The following NUDT3 variants were observed in gnomAD, a reference collection of about 807,000 sequenced individuals.
NUDT3 encodes nudix hydrolase 3, also known as diphosphoinositol polyphosphate phosphohydrolase 1.
A neutral mutation model predicts 23.6 loss-of-function variants in NUDT3; 9 were observed. The ratio of observed to expected loss-of-function variants is 0.38; its 90% CI spans 0.23 to 0.66. The LOEUF is 0.66. NUDT3 is among the 30% of genes least tolerant of loss of function. The pLI is 0.52. For missense variants in NUDT3, 172 were observed against 218.5 expected (o/e 0.79, Z 1.34); for synonymous variants, 86 against 82.6 (o/e 1.04, Z -0.22).
At chr6:34,328,470 T>C (rs1478518090) in intron 2 of NUDT3, among the ~76,000 whole-genome samples, 1 of 152,176 alleles carries the variant, frequency 6.6e-6, no homozygotes. Flanking sequence ...CCTAGTAGAA[T>C]GAAAAAACGG....
At position 34,288,795 on chromosome 6, in the gene NUDT3, T is replaced by C. The variant is rs2113689512; in HGVS notation, c.477A>G (p.Thr159=). ...ANNGTPVVAT[T]YSVSAQSSMS... is the part of the protein sequence containing the mutation. ...TCGAGCTCTGAGCAGAAACCGAGTA[T>C]GTGGTGGCCACGACTGGGGTGCCAT... Residue 159 remains threonine (T), a synonymous_variant, in exon 5 of 5, where the codon ACA becomes ACG. Transcript: ENST00000607016. 4 of 1,613,896 alleles carry C rather than the reference T, an allele frequency of 2.5e-6. No homozygotes were observed. The highest frequency in any genetic ancestry group is 3.4e-6 in the Non-Finnish European group (4 of 1,179,934).
At chr6:34,348,364 T>TC (rs1208533919) in intron 1 of NUDT3, among the ~76,000 whole-genome samples, 6 of 150,442 alleles carry the variant, frequency 4.0e-5, no homozygotes, top group Non-Finnish European at 7.4e-5. Flanking sequence ...TATTTACAGT[T>TC]CCAGCTACTG....
intron 2 of NUDT3, among the ~76,000 whole-genome samples, chr6:34,334,194 G>GCCTC (rs1764171371): frequency 6.6e-6 from 1 of 152,228 alleles, no homozygotes; most frequent in Non-Finnish European, 1.5e-5. Flanking sequence ...TCACTTAACT[G>GCCTC]AGGCATTTGG....
intron 2 of NUDT3, among the ~76,000 whole-genome samples, chr6:34,305,321 G>A (rs994983834): frequency 3.3e-5 from 5 of 151,954 alleles, no homozygotes; most frequent in African/African-American, 1.2e-4. Context: ...AGGATTTTCT[G>A]GAAAATTTCT....
Position 34,288,934 on chromosome 6 carries a change from G to A in NUDT3, c.341-3C>T, listed in dbSNP as rs1763374992. ...TTTAAACCATTCCCTCTTCCTTCCT[G>A]TGGAGGCAGAGAGAAAAGAAACTAG... On this transcript the variant is annotated splice_polypyrimidine_tract_variant and splice_region_variant and intron_variant, in intron 4 of 4. Transcript: ENST00000607016. The A allele has an allele frequency of 3.1e-6, 5 of 1,597,428 alleles. No homozygotes were observed. The highest frequency in any genetic ancestry group is 4.3e-6 in the Non-Finnish European group (5 of 1,174,282).
At chr6:34,304,777 CAGCCTCCTG>C (rs987772623) in intron 2 of NUDT3, among the ~76,000 whole-genome samples, 1 of 151,370 alleles carries the variant, frequency 6.6e-6, no homozygotes, top group African/African-American at 2.4e-5. Context: ...CCTCCCACCT[CAGCCTCCTG>C]AGTAGCTGGG....
chr6:34,297,456 C>A (rs1561898780), intron 2 of NUDT3, among the ~76,000 whole-genome samples: 1 of 151,814 alleles, frequency 6.6e-6, no homozygotes, highest in Non-Finnish European at 1.5e-5. Flanking sequence ...AGACATGTCA[C>A]CTGTGCTCCT....
At chr6:34,364,411 G>C (rs1764695099) in intron 1 of NUDT3, among the ~76,000 whole-genome samples, 1 of 152,094 alleles carries the variant, frequency 6.6e-6, no homozygotes, top group Non-Finnish European at 1.5e-5. Flanking sequence ...CTTGTTGTTT[G>C]CCTTCTGTAG....
At chr6:34,317,081 G>T (rs779204317) in intron 2 of NUDT3, among the ~76,000 whole-genome samples, 3 of 152,136 alleles carry the variant, frequency 2.0e-5, no homozygotes, top group African/African-American at 7.2e-5. Context: ...GATATTAGGT[G>T]TAAGAAAAGA....
chr6:34,304,890 T>C (rs1157089904), intron 2 of NUDT3, among the ~76,000 whole-genome samples: 3 of 151,496 alleles, frequency 2.0e-5, no homozygotes, highest in Non-Finnish European at 2.9e-5. Context: ...CAGGTTGGTC[T>C]TGAACTCCTG....
chr6:34,292,830 A>G (rs1414817853), intron 4 of NUDT3, among the ~76,000 whole-genome samples: 1 of 152,188 alleles, frequency 6.6e-6, no homozygotes. Flanking sequence ...GGAGGCCCTC[A>G]ATCAGTATCT....
rs1444904519 is a variant in NUDT3, at chr6:34,284,215, A to G, written c.*4538T>C. On this transcript the variant is annotated 3_prime_UTR_variant, in exon 5 of 5. Transcript: ENST00000607016. ...ATTTGCATTATTTAATCACCATTCA[A>G]TAATCTCCTCCCTCCCCATAGCTGC... 2 of 152,188 alleles carry G rather than the reference A, an allele frequency of 1.3e-5. No homozygotes were observed. The highest frequency in any genetic ancestry group is 4.8e-5 in the African/African-American group (2 of 41,442). 9.4% of individuals were successfully genotyped at this position (152,188 alleles called of 1,614,324 possible). A position where few individuals can be genotyped will look rare whatever the true frequency, so the allele number is the denominator to read the frequency against.
chr6:34,333,406 T>C (rs922747821), intron 2 of NUDT3, among the ~76,000 whole-genome samples: 36 of 152,340 alleles, frequency 2.4e-4, no homozygotes, highest in African/African-American at 8.4e-4. Flanking sequence ...AAACTTTTTC[T>C]AGTAACAAAA....
rs1021121979 is a variant in NUDT3 at position 34,286,596 on chromosome 6, G to A, written c.*2157C>T. Reference sequence around the variant, plus strand: ...GTGTGTTCGTTTTTAAGAAGGATGTGTGAATAGTAAGTTGGCATTCAGACT... The same window carrying A: ...GTGTGTTCGTTTTTAAGAAGGATGTATGAATAGTAAGTTGGCATTCAGACT... On this transcript the variant is annotated 3_prime_UTR_variant, in exon 5 of 5. Coordinates refer to ENST00000607016, the MANE Select transcript of NUDT3 (RefSeq NM_006703.4). 1.3e-5 allele frequency: 2 copies of A among 152,010 alleles called. No individual in the cohort carries two copies. The highest frequency in any genetic ancestry group is 2.1e-4 in the South Asian group (1 of 4,814). The allele number at this position is 152,010 out of a possible 1,614,324, so 9.4% of individuals were successfully genotyped here.
At chr6:34,389,168 G>C (rs1192919748) in intron 1 of NUDT3, among the ~76,000 whole-genome samples, 1 of 152,188 alleles carries the variant, frequency 6.6e-6, no homozygotes, top group Non-Finnish European at 1.5e-5. Flanking sequence ...TGGAGGGAGG[G>C]AACCTGTAAT....
intron 2 of NUDT3, among the ~76,000 whole-genome samples, chr6:34,339,501 T>A (rs905266284): frequency 7.9e-5 from 12 of 152,238 alleles, no homozygotes; most frequent in African/African-American, 2.2e-4. Context: ...ATACAGTAGA[T>A]CTGGGTTGGG....
At chr6:34,321,307 G>T (rs1453041700) in intron 2 of NUDT3, among the ~76,000 whole-genome samples, 2 of 151,856 alleles carry the variant, frequency 1.3e-5, no homozygotes, top group African/African-American at 2.4e-5. Flanking sequence ...GCGTGGTGGT[G>T]CGCACCTGTA....
chr6:34,333,259 C>T (rs1764157239), intron 2 of NUDT3, among the ~76,000 whole-genome samples: 1 of 152,208 alleles, frequency 6.6e-6, no homozygotes, highest in South Asian at 2.1e-4. Flanking sequence ...TTATCTGTTT[C>T]TGAAATTCAG....
chr6:34,378,818 G>A (rs1457519447), intron 1 of NUDT3, among the ~76,000 whole-genome samples: 1 of 152,160 alleles, frequency 6.6e-6, no homozygotes, highest in Non-Finnish European at 1.5e-5. Context: ...CAAAAAGAAT[G>A]GTACTCTTCT....
Sources: gnomAD v4.1 joint callset for allele counts (sites outside exome capture counted in the v4.1 genomes callset) on GRCh38, gnomAD v4.1.1 for gene constraint, MANE v1.5 for transcripts, NCBI Gene and HGNC (gene_info 2026-07-23, HGNC 2026-07-21) for gene names.